IPO8: variants seen among roughly 807,000 people sequenced by gnomAD.
IPO8 encodes importin 8.
In IPO8, 65 loss-of-function variants were observed where a neutral mutation model predicts 141.2. The ratio of observed to expected loss-of-function variants is 0.46; its 90% CI spans 0.38 to 0.57. The LOEUF (loss-of-function observed/expected upper bound fraction) is 0.57. IPO8 is among the 20% of genes least tolerant of loss of function. IPO8 has a pLI of 0.00. For missense variants in IPO8, 980 were observed against 1,246.8 expected, an observed-to-expected ratio of 0.79 and a Z score of 3.22; for synonymous variants, 411 against 420.3, an observed-to-expected ratio of 0.98 and a Z score of 0.27.
chr12:30,642,613 CAATTT>C (rs1430414019), intron 20 of IPO8, among the ~76,000 whole-genome samples: 2 of 150,934 alleles, frequency 1.3e-5, no homozygotes, highest in Admixed American at 6.6e-5. Flanking sequence ...AGCTAATTAT[CAATTT>C]ATTAATACGA....
At chr12:30,655,808 A>T (rs1193827080) in intron 17 of IPO8, among the ~76,000 whole-genome samples, 1 of 152,192 alleles carries the variant, frequency 6.6e-6, no homozygotes, top group Admixed American at 6.5e-5. Flanking sequence ...GAACAATAAA[A>T]AGCCTGGAGA....
At chr12:30,663,273 C>T (rs975991787) in intron 14 of IPO8, among the ~76,000 whole-genome samples, 11 of 152,028 alleles carry the variant, frequency 7.2e-5, no homozygotes, top group Non-Finnish European at 1.3e-4. Context: ...ATCCTAGGGC[C>T]CCACAATGAT....
rs200528336 is a variant in IPO8, at chr12:30,663,671, G to A, written c.1429-17C>T. 2 of 1,576,112 alleles carry A rather than the reference G, an allele frequency of 1.3e-6. No individual in the cohort carries two copies. The highest frequency in any genetic ancestry group is 2.3e-5 in the East Asian group (1 of 44,244). On this transcript the variant is annotated splice_polypyrimidine_tract_variant and intron_variant, in intron 13 of 24. Coordinates refer to ENST00000256079, the MANE Select transcript of IPO8 (RefSeq NM_006390.4). ...CCAGCAAGACTGTATTATTAAAAAA[G>A]GTAAGTAGGGAGCTATTAGGATTAT...
Position 30,670,992 on chromosome 12 carries a change from T to C in IPO8, c.1014A>G (p.Ile338Met). ...TGTGTGGCTTCATCTGCTTCCAGGT[T>C]ATAGAATGAACCACCCCTTGGTTGA... ...NYLNQGVVHSITWKQMKPHIQ... is the reference protein window; with the variant it reads ...NYLNQGVVHSMTWKQMKPHIQ... The change falls in exon 9 of 25, where the codon ATA (isoleucine) becomes ATG (methionine). Residue 338 changes from isoleucine (I) to methionine (M), a missense_variant. This residue lies in a region of IPO8 where 924 missense variants were observed against 1,153.9 expected (regional missense o/e 0.80). Coordinates refer to ENST00000256079, the MANE Select transcript of IPO8 (RefSeq NM_006390.4). 1 of 1,613,888 alleles carries C rather than the reference T, an allele frequency of 6.2e-7. No homozygotes were observed. The highest frequency in any genetic ancestry group is 8.5e-7 in the Non-Finnish European group (1 of 1,179,834).
At chr12:30,664,989 C>T (rs1252820984) in intron 13 of IPO8, among the ~76,000 whole-genome samples, 1 of 152,200 alleles carries the variant, frequency 6.6e-6, no homozygotes, top group East Asian at 1.9e-4. Context: ...ATCCGCCCAC[C>T]TCAGCCTCCC....
intron 20 of IPO8, among the ~76,000 whole-genome samples, chr12:30,646,722 A>G (rs1320361012): frequency 6.6e-6 from 1 of 152,190 alleles, no homozygotes; most frequent in Non-Finnish European, 1.5e-5. Flanking sequence ...CTCCATTTAC[A>G]ATAGCGTCAA....
rs753619612 is a variant in IPO8, at chr12:30,630,871, T to C, written c.3103A>G (p.Ser1035Gly). Residue 1035 changes from serine to glycine, a missense_variant, in exon 25 of 25, where the codon AGC becomes GGC. Coordinates refer to ENST00000256079, the MANE Select transcript of IPO8 (RefSeq NM_006390.4). ...TGATGTTCTTTCCTTCAGTTGTTGC[T>C]GGGCACAGTCCCAAAATTAAATGCG... ...LSAFNFGTVP[S>G]NN is the part of the protein sequence containing the mutation. 6 of 1,612,884 alleles carry C rather than the reference T, an allele frequency of 3.7e-6. No individual in the cohort carries two copies. The South Asian group carries it at 4.4e-5, about 12-fold the overall frequency.
chr12:30,665,115 T>C (rs2052943970), intron 13 of IPO8, 105 bp downstream of exon 13: 2 of 667,718 alleles, frequency 3.0e-6, no homozygotes, highest in African/African-American at 1.8e-5. Flanking sequence ...ATTGACTCTA[T>C]TTCATCTCAA....
intron 16 of IPO8, among the ~76,000 whole-genome samples, chr12:30,659,168 C>T (rs569100907): frequency 6.6e-6 from 1 of 152,256 alleles, no homozygotes; most frequent in South Asian, 2.1e-4. Context: ...GCATGAGCCA[C>T]CGCGCCGGGC....
rs1477762694 is a variant in IPO8 at position 30,695,668 on chromosome 12, C to G, written c.-21G>C. ...TCCATCTCCCCGGGTGGGGGCTCCG[C>G]GGCCCCCGGAACAGTAGGCCGGACT... On this transcript the variant is annotated 5_prime_UTR_variant, in exon 1 of 25. Coordinates refer to ENST00000256079, the MANE Select transcript of IPO8 (RefSeq NM_006390.4). This position sits in a 1 kb window ranked among gnomAD's most constrained non-coding sequence, Gnocchi z 4.2. The G allele has an allele frequency of 6.2e-7, 1 of 1,608,570 alleles. No homozygotes were observed. Among genetic ancestry groups the G allele is most frequent in the Admixed American group, 1.7e-5 (1 of 59,948 alleles).
At chr12:30,659,250 G>A (rs1011105345) in intron 16 of IPO8, among the ~76,000 whole-genome samples, 1 of 152,120 alleles carries the variant, frequency 6.6e-6, no homozygotes, top group African/African-American at 2.4e-5. Context: ...AGCACTTTCA[G>A]AAGCCAAGGC....
chr12:30,687,737 T>A (rs2053256023), intron 2 of IPO8, among the ~76,000 whole-genome samples: 2 of 152,278 alleles, frequency 1.3e-5, no homozygotes, highest in Admixed American at 1.3e-4. Context: ...TCTGGACTGA[T>A]CAGAGGCATC....
chr12:30,688,627 G>A (rs2053264692), intron 2 of IPO8: 3 of 177,474 alleles, frequency 1.7e-5, no homozygotes, highest in Non-Finnish European at 3.6e-5. Context: ...CTTAAATTTA[G>A]GATTTGAAAT....
chr12:30,689,166 TG>T (rs2053268979), intron 2 of IPO8, among the ~76,000 whole-genome samples: 1 of 152,148 alleles, frequency 6.6e-6, no homozygotes, highest in South Asian at 2.1e-4. Flanking sequence ...TCAAAGCTGA[TG>T]GCAGTCATCT....
rs763009576 is a variant in IPO8 at position 30,665,209 on chromosome 12, G to A, written c.1428+11C>T. ...GATTTAAGATACATAACAGAAATAT[G>A]AAAAACTTACTCTAGCTCGAAGATA... On this transcript the variant is annotated intron_variant, in intron 13 of 24. Coordinates refer to ENST00000256079, the MANE Select transcript of IPO8 (RefSeq NM_006390.4). 7.1e-7 allele frequency: 1 copy of A among 1,413,186 alleles called. No homozygotes were observed. Among genetic ancestry groups the A allele is most frequent in the Non-Finnish European group, 9.8e-7 (1 of 1,015,414 alleles). The allele number at this position is 1,413,186 out of a possible 1,614,324, so 87.5% of individuals were successfully genotyped here. A position where few individuals can be genotyped will look rare whatever the true frequency, so the allele number is the denominator to read the frequency against.
chr12:30,649,353 A>G (rs2052692872), intron 19 of IPO8, 121 bp from the exon 20 acceptor site: 1 of 586,926 alleles, frequency 1.7e-6, no homozygotes, highest in Admixed American at 3.0e-5. Context: ...TTGCTGTGCA[A>G]GTTTACCTCA....
At chr12:30,650,867 CTA>C (rs1272359793) in intron 19 of IPO8, among the ~76,000 whole-genome samples, 1 of 152,006 alleles carries the variant, frequency 6.6e-6, no homozygotes, top group African/African-American at 2.4e-5. Flanking sequence ...GTGCAAGAAA[CTA>C]TGTCTTAGTT....
intron 7 of IPO8, 69 bp from the exon 8 acceptor site, chr12:30,674,143 A>C: frequency 1.0e-6 from 1 of 997,754 alleles, no homozygotes; most frequent in Non-Finnish European, 1.5e-6. Flanking sequence ...TAATAATTTA[A>C]ATATAGTCGC....
At chr12:30,640,588 T>C (rs1008530259) in intron 20 of IPO8, among the ~76,000 whole-genome samples, 2 of 152,192 alleles carry the variant, frequency 1.3e-5, no homozygotes, top group African/African-American at 4.8e-5. Flanking sequence ...CGTCTACTTA[T>C]GCTGATACAA....
Sources: gnomAD v4.1 joint callset for allele counts (sites outside exome capture counted in the v4.1 genomes callset) on GRCh38, gnomAD v4.1.1 for gene constraint, gnomAD v4.1.1 regional missense constraint, Gnocchi (gnomAD v3.1) non-coding constraint, MANE v1.5 for transcripts, NCBI Gene and HGNC (gene_info 2026-07-23, HGNC 2026-07-21) for gene names.